SLC36A1: variants seen among roughly 807,000 people sequenced by gnomAD.
SLC36A1 encodes solute carrier family 36 member 1.
In SLC36A1, 30 loss-of-function variants were observed where a neutral mutation model predicts 47.5. The observed-to-expected ratio is 0.63, with a 90% CI of 0.47 to 0.86. The LOEUF (loss-of-function observed/expected upper bound fraction) is 0.86. SLC36A1 is among the 40% of genes least tolerant of loss of function. SLC36A1 has a pLI of 0.00. For synonymous variants in SLC36A1, 255 were observed against 249.7 expected, an observed-to-expected ratio of 1.02 and a Z score of -0.20; for missense variants, 517 against 606.0, an observed-to-expected ratio of 0.85 and a Z score of 1.54.
chr5:151,362,728 A>T, the SLC36A1 span, among the ~76,000 whole-genome samples: 1 of 152,056 alleles, frequency 6.6e-6, no homozygotes, highest in Non-Finnish European at 1.5e-5. Context: ...CTCTCTGATG[A>T]GTTTTTCAGC....
At chr5:151,517,935 C>T in the SLC36A1 span, among the ~76,000 whole-genome samples, 1,721 of 152,290 alleles carry the variant, frequency 0.011, 8 homozygotes, top group Non-Finnish European at 0.017. Flanking sequence ...TAGCCTCACA[C>T]GTAGAGCCAG....
At chr5:151,486,719 G>A (rs763947294) in intron 10 of SLC36A1, among the ~76,000 whole-genome samples, 2 of 152,216 alleles carry the variant, frequency 1.3e-5, no homozygotes, top group African/African-American at 4.8e-5. Flanking sequence ...AATCAATGAG[G>A]TAGTAGATAA....
At chr5:151,555,778 T>C in the SLC36A1 span, among the ~76,000 whole-genome samples, 5 of 152,338 alleles carry the variant, frequency 3.3e-5, no homozygotes, top group Middle Eastern at 3.4e-3. Flanking sequence ...CCTGATACTT[T>C]TAAAACTAGA....
chr5:151,385,209 C>T, the SLC36A1 span, among the ~76,000 whole-genome samples: 1 of 152,146 alleles, frequency 6.6e-6, no homozygotes, highest in Non-Finnish European at 1.5e-5. Context: ...CAGACATACA[C>T]AAAACCAAAA....
chr5:151,455,113 T>C (rs765075945), intron 1 of SLC36A1, among the ~76,000 whole-genome samples: 3 of 152,136 alleles, frequency 2.0e-5, no homozygotes, highest in Admixed American at 2.0e-4. Flanking sequence ...CATGTACCCA[T>C]GTGTAACATC....
chr5:151,519,735 GT>G, the SLC36A1 span, among the ~76,000 whole-genome samples: 1 of 151,940 alleles, frequency 6.6e-6, no homozygotes, highest in Non-Finnish European at 1.5e-5. Context: ...TTTCCTGTAT[GT>G]TTTATATTTC....
upstream of SLC36A1, among the ~76,000 whole-genome samples, chr5:151,447,374 G>A (rs1257081446): frequency 6.6e-6 from 1 of 152,198 alleles, no homozygotes; most frequent in African/African-American, 2.4e-5. Context: ...CACAACTCAA[G>A]GGACAGTGCT....
chr5:151,520,565 C>G, the SLC36A1 span, among the ~76,000 whole-genome samples: 1 of 152,218 alleles, frequency 6.6e-6, no homozygotes, highest in Non-Finnish European at 1.5e-5. Flanking sequence ...CACCGTTGAT[C>G]TGGGGCTTAT....
chr5:151,534,669 G>T, the SLC36A1 span: 1 of 1,583,122 alleles, frequency 6.3e-7, no homozygotes, highest in Non-Finnish European at 8.7e-7. Context: ...CAAAAGTTGA[G>T]CTTTCTCTGG....
chr5:151,390,022 A>G, the SLC36A1 span, among the ~76,000 whole-genome samples: 80,001 of 151,986 alleles, frequency 0.53, 23,723 homozygotes, highest in African/African-American at 0.82. Flanking sequence ...TTACAGTCCC[A>G]CCAACAGTGT....
chr5:151,391,773 G>A, the SLC36A1 span, among the ~76,000 whole-genome samples: 54 of 152,268 alleles, frequency 3.5e-4, no homozygotes, highest in African/African-American at 1.3e-3. Flanking sequence ...TGGTGGATAA[G>A]CTTTTTGATG....
the SLC36A1 span, among the ~76,000 whole-genome samples, chr5:151,411,354 T>C: frequency 1.4e-5 from 2 of 144,842 alleles, 1 homozygote; most frequent in South Asian, 5.1e-4. Context: ...CCTGAACTCC[T>C]TCTGTATCAG....
At chr5:151,427,657 C>T in the SLC36A1 span, among the ~76,000 whole-genome samples, 1 of 152,142 alleles carries the variant, frequency 6.6e-6, no homozygotes, top group Admixed American at 6.5e-5. Context: ...CATACTCACA[C>T]CCTGCCCCTC....
chr5:151,382,543 C>T, the SLC36A1 span, among the ~76,000 whole-genome samples: 1 of 152,188 alleles, frequency 6.6e-6, no homozygotes, highest in African/African-American at 2.4e-5. Context: ...GTTTTCCCCA[C>T]CAACTTAGCA....
the SLC36A1 span, among the ~76,000 whole-genome samples, chr5:151,371,285 T>C: frequency 2.0e-5 from 3 of 152,362 alleles, no homozygotes; most frequent in East Asian, 1.9e-4. Context: ...GGAGTTCTTA[T>C]GTACTTTAAT....
At chr5:151,453,778 TAA>T (rs568610788) in intron 1 of SLC36A1, among the ~76,000 whole-genome samples, 3 of 146,352 alleles carry the variant, frequency 2.0e-5, no homozygotes, top group Admixed American at 6.8e-5. Context: ...GGCCTTGCCT[TAA>T]AAAAAAAAAA....
At chr5:151,543,988 C>G in the SLC36A1 span, 1 of 1,613,896 alleles carries the variant, frequency 6.2e-7, no homozygotes, top group Admixed American at 1.7e-5. Flanking sequence ...TTGAGGTTGT[C>G]TGAACTCTGG....
the SLC36A1 span, among the ~76,000 whole-genome samples, chr5:151,356,339 CAAAAAAA>C: frequency 1.6e-4 from 8 of 51,328 alleles, 1 homozygote; most frequent in South Asian, 5.4e-3. Flanking sequence ...CTCTGTCTCA[CAAAAAAA>C]AAAAAAAAAA....
the SLC36A1 span, among the ~76,000 whole-genome samples, chr5:151,362,389 C>CTTTTTTTTTTTTT: frequency 1.8e-5 from 2 of 109,016 alleles, no homozygotes; most frequent in Non-Finnish European, 1.8e-5. Flanking sequence ...ATTGATTCTT[C>CTTTTTTTTTTTTT]TTTTTTTTTT....
Sources: allele counts gnomAD v4.1 joint callset (sites outside exome capture counted in the v4.1 genomes callset), GRCh38; gene constraint gnomAD v4.1.1; transcripts MANE v1.5; gene names NCBI Gene and HGNC (gene_info 2026-07-23, HGNC 2026-07-21).